EXOC2: variants seen among roughly 807,000 people sequenced by gnomAD.
EXOC2 encodes exocyst complex component 2, also known as SEC5-like 1.
A neutral mutation model predicts 131.8 loss-of-function variants in EXOC2; 70 were observed. That is an observed-to-expected ratio of 0.53 (90% CI 0.44 to 0.65). EXOC2 has a LOEUF of 0.65. Among genes scored for constraint, EXOC2 ranks in the 30% least tolerant of loss-of-function variants. EXOC2 has a pLI of 0.00. For synonymous variants in EXOC2, 411 were observed against 398.4 expected (o/e 1.03, Z -0.38); for missense variants, 923 against 1,108.6 (o/e 0.83, Z 2.38).
intron 22 of EXOC2, among the ~76,000 whole-genome samples, chr6:547,687 C>T (rs1756938730): frequency 6.6e-6 from 1 of 152,116 alleles, no homozygotes; most frequent in Non-Finnish European, 1.5e-5. Context: ...AGTTTACTAT[C>T]TATTCATTCT....
intron 12 of EXOC2, 55 bp downstream of exon 12, chr6:576,702 A>C: frequency 1.3e-6 from 2 of 1,592,702 alleles, no homozygotes; most frequent in South Asian, 2.3e-5. Context: ...AGAATGTTTG[A>C]AATTACACGA....
rs187847474 is a variant in EXOC2 at position 645,155 on chromosome 6, T to C, written c.-43-7294A>G. On this transcript the variant is annotated intron_variant, in intron 1 of 27. Coordinates refer to ENST00000230449, the MANE Select transcript of EXOC2 (RefSeq NM_018303.6). Reference sequence around the variant, plus strand: ...ACTAGAATCCAGAAACAAACACATATGATTATATGAGTTTTGACAAGGCAC... The same window carrying C: ...ACTAGAATCCAGAAACAAACACATACGATTATATGAGTTTTGACAAGGCAC... Among the ~76,000 whole-genome samples, 5 of 151,936 alleles carry C rather than the reference T, an allele frequency of 3.3e-5. No individual in the cohort carries two copies. The East Asian group carries it at 9.7e-4, about 29-fold the overall frequency.
rs1304302822 is a variant in EXOC2, at chr6:617,765, C to A, written c.607G>T (p.Ala203Ser). Residue 203 changes from alanine to serine, a missense_variant, in exon 6 of 28, where the codon GCC becomes TCC. Transcript: ENST00000230449. ...QANKKSEGSL[A>S]YVKGGLSTFF... The stretch of plus-strand genomic sequence containing the variant: ...GTACTGAGACCGCCTTTCACATAGG[C>A]CAGGCTGCCCTCACTCTTCTTGTTA... 6.8e-6 allele frequency: 11 copies of A among 1,613,582 alleles called. No homozygotes were observed. The highest frequency in any genetic ancestry group is 8.5e-7 in the Non-Finnish European group (1 of 1,179,804).
At chr6:575,438 ATCTCCATCCTCTCCCTCACTCCC>A (rs1758521432) in intron 12 of EXOC2, among the ~76,000 whole-genome samples, 2 of 84,068 alleles carry the variant, frequency 2.4e-5, no homozygotes, top group African/African-American at 6.7e-5. Flanking sequence ...AGAGCCTGGC[ATCTCCATCCTCTCCCTCACTCCC>A]TCTCCATCCT....
chr6:577,861 T>C (rs892842237), intron 11 of EXOC2, among the ~76,000 whole-genome samples: 12 of 152,214 alleles, frequency 7.9e-5, no homozygotes, highest in Non-Finnish European at 1.8e-4. Flanking sequence ...TCCTGAAAGA[T>C]GCCACTTGAA....
At chr6:503,164 A>AC (rs1581319633) in intron 23 of EXOC2, among the ~76,000 whole-genome samples, 2 of 138,264 alleles carry the variant, frequency 1.4e-5, no homozygotes, top group East Asian at 3.9e-4. Context: ...AGGAGCAAGT[A>AC]CTTTTTTTTT....
chr6:529,122 C>CG (rs1033380851), intron 23 of EXOC2, among the ~76,000 whole-genome samples: 7 of 151,966 alleles, frequency 4.6e-5, no homozygotes, highest in South Asian at 4.2e-4. Context: ...TTTTACCCCC[C>CG]CCCGCGCCCT....
chr6:553,893 G>A lies in EXOC2; in HGVS notation c.2082C>T (p.Asp694=). The A allele has an allele frequency of 1.2e-6, 2 of 1,614,032 alleles. No individual in the cohort carries two copies. Among genetic ancestry groups the A allele is most frequent in the Non-Finnish European group, 1.7e-6 (2 of 1,179,940 alleles). ...THLSVDVSSP[D]LFGSIHEDFS... ...AGTCTTCATGGATACTTCCAAACAA[G>A]TCAGGGGAAGAAACATCAACAGAGA... is the stretch of plus-strand genomic sequence containing the variant. The change falls in exon 21 of 28, where the codon GAC becomes GAT. Residue 694 remains aspartate (D), a synonymous_variant. Coordinates refer to ENST00000230449, the MANE Select transcript of EXOC2 (RefSeq NM_018303.6).
At chr6:518,764 T>C (rs1277597820) in intron 23 of EXOC2, among the ~76,000 whole-genome samples, 1 of 152,180 alleles carries the variant, frequency 6.6e-6, no homozygotes, top group Non-Finnish European at 1.5e-5. Context: ...TAAAAAAAGA[T>C]GACCAATGAA....
intron 24 of EXOC2, among the ~76,000 whole-genome samples, chr6:499,258 G>C (rs1349010323): frequency 2.0e-5 from 3 of 152,142 alleles, no homozygotes; most frequent in Non-Finnish European, 4.4e-5. Context: ...TCAGATACCA[G>C]TGCTTATTTG....
chr6:600,975 T>C (rs1285478039), intron 7 of EXOC2, among the ~76,000 whole-genome samples: 5 of 152,180 alleles, frequency 3.3e-5, no homozygotes, highest in African/African-American at 1.2e-4. Context: ...GATTATCAGA[T>C]AATGTATTCA....
intron 7 of EXOC2, among the ~76,000 whole-genome samples, chr6:601,177 A>G (rs563347655): frequency 5.3e-5 from 8 of 152,348 alleles, no homozygotes; most frequent in Non-Finnish European, 1.0e-4. Flanking sequence ...AGGCATCAAC[A>G]AAGGTCATCC....
chr6:672,414 C>A (rs572143853), intron 1 of EXOC2, among the ~76,000 whole-genome samples: 1 of 152,322 alleles, frequency 6.6e-6, no homozygotes, highest in South Asian at 2.1e-4. Flanking sequence ...CTCCACCATA[C>A]CTGAATCTGG....
chr6:661,856 AC>A (rs1346935829), intron 1 of EXOC2, among the ~76,000 whole-genome samples: 2 of 152,186 alleles, frequency 1.3e-5, no homozygotes, highest in Non-Finnish European at 2.9e-5. Context: ...AAGATACAGA[AC>A]CACAGAATGG....
chr6:530,581 G>A (rs147713627), intron 23 of EXOC2, among the ~76,000 whole-genome samples: 3 of 152,354 alleles, frequency 2.0e-5, no homozygotes, highest in African/African-American at 2.4e-5. Context: ...CACAGGGCCC[G>A]GAAGGGCAGG....
At chr6:680,904 C>T (rs1330430735) in intron 1 of EXOC2, among the ~76,000 whole-genome samples, 4 of 152,128 alleles carry the variant, frequency 2.6e-5, no homozygotes, top group African/African-American at 9.7e-5. Flanking sequence ...CTCAGTGAAA[C>T]GGTGGCCGGG....
intron 3 of EXOC2, 77 bp from the exon 4 acceptor site, chr6:630,038 C>G: frequency 2.6e-6 from 4 of 1,530,444 alleles, no homozygotes; most frequent in Non-Finnish European, 3.5e-6. Flanking sequence ...TATTGTCTGA[C>G]TTCTTAAAGA....
chr6:691,886 T>C (rs1764943388), intron 1 of EXOC2, among the ~76,000 whole-genome samples: 1 of 152,246 alleles, frequency 6.6e-6, no homozygotes. Context: ...CAAGTGAACA[T>C]GTAAGTACTA....
chr6:687,248 T>G (rs189763930), intron 1 of EXOC2, among the ~76,000 whole-genome samples: 1 of 127,466 alleles, frequency 7.8e-6, no homozygotes, highest in Admixed American at 1.0e-4. Flanking sequence ...GGTGCAATCA[T>G]AGCTCACTGC....
Sources: gnomAD v4.1 joint callset for allele counts (sites outside exome capture counted in the v4.1 genomes callset) on GRCh38, gnomAD v4.1.1 for gene constraint, MANE v1.5 for transcripts, NCBI Gene and HGNC (gene_info 2026-07-23, HGNC 2026-07-21) for gene names.